The following CDKAL1 variants were observed in gnomAD, a reference collection of about 807,000 sequenced individuals.
CDKAL1 encodes the protein CDKAL1 threonylcarbamoyladenosine tRNA methylthiotransferase.
CDKAL1 carries 32 observed loss-of-function variants against 68.2 expected under a neutral mutation model. That is an observed-to-expected ratio of 0.47 (90% CI 0.35 to 0.63). CDKAL1 has a LOEUF of 0.63. Among genes scored for constraint, CDKAL1 ranks in the 30% least tolerant of loss-of-function variants. The pLI is 0.00. For synonymous variants in CDKAL1, 234 were observed against 244.3 expected (o/e 0.96, Z 0.39); for missense variants, 606 against 696.7 (o/e 0.87, Z 1.47).
At chr6:20,941,901 G>A (rs1232807157) in intron 9 of CDKAL1, among the ~76,000 whole-genome samples, 1 of 152,164 alleles carries the variant, frequency 6.6e-6, no homozygotes, top group Non-Finnish European at 1.5e-5. Flanking sequence ...TTTTTTCCAT[G>A]AGGTAGTTAT....
intron 13 of CDKAL1, among the ~76,000 whole-genome samples, chr6:21,162,943 GAAGA>G (rs957522152): frequency 5.9e-5 from 9 of 151,964 alleles, no homozygotes; most frequent in Admixed American, 4.6e-4. Context: ...CATCTTGATG[GAAGA>G]AAGAAAGGAA....
chr6:20,643,774 A>T (rs1339812568), intron 4 of CDKAL1, among the ~76,000 whole-genome samples: 1 of 152,162 alleles, frequency 6.6e-6, no homozygotes, highest in Non-Finnish European at 1.5e-5. Flanking sequence ...ACATTTATAC[A>T]GATATCTGTC....
chr6:21,205,502 G>C (rs1357892875), intron 15 of CDKAL1, among the ~76,000 whole-genome samples: 1 of 149,128 alleles, frequency 6.7e-6, no homozygotes, highest in Non-Finnish European at 1.5e-5. Context: ...TTTGATAGTA[G>C]CCATCCTAAT....
At chr6:20,665,098 T>C (rs1041388217) in intron 5 of CDKAL1, among the ~76,000 whole-genome samples, 2 of 152,048 alleles carry the variant, frequency 1.3e-5, no homozygotes, top group Non-Finnish European at 2.9e-5. Context: ...TCTGTATTCC[T>C]TGTGGTGATG....
rs191546575 is a variant in CDKAL1 at position 20,570,104 on chromosome 6, A to C, written c.286+21399A>C. Among the ~76,000 whole-genome samples the C allele has an allele frequency of 1.5e-3, 221 of 152,046 alleles. 2 individuals carry two copies. Among genetic ancestry groups the C allele is most frequent in the African/African-American group, 5.2e-3 (215 of 41,498 alleles). On this transcript the variant is annotated intron_variant, in intron 4 of 15. Transcript: ENST00000274695. ...TATTTATTTATTTTTATTTTTAATT[A>C]ATTAATTTTTGTTGTTGTTGTTGAG...
At chr6:21,213,212 G>GA (rs1410727872) in intron 15 of CDKAL1, among the ~76,000 whole-genome samples, 1 of 152,150 alleles carries the variant, frequency 6.6e-6, no homozygotes, top group African/African-American at 2.4e-5. Context: ...AAATTGGGAG[G>GA]AATAGAGTCC....
intron 11 of CDKAL1, among the ~76,000 whole-genome samples, chr6:21,026,543 T>C (rs927316656): frequency 1.1e-4 from 17 of 152,200 alleles, no homozygotes; most frequent in Non-Finnish European, 1.6e-4. Flanking sequence ...CAATTTTAAA[T>C]AATTATACAG....
At chr6:21,137,771 G>C (rs1309073251) in intron 13 of CDKAL1, among the ~76,000 whole-genome samples, 1 of 152,224 alleles carries the variant, frequency 6.6e-6, no homozygotes, top group Non-Finnish European at 1.5e-5. Context: ...CCAAATGTTA[G>C]AGGAGGTAGG....
At chr6:20,804,360 A>C (rs891962568) in intron 8 of CDKAL1, among the ~76,000 whole-genome samples, 5 of 152,246 alleles carry the variant, frequency 3.3e-5, no homozygotes, top group Non-Finnish European at 7.3e-5. Context: ...AATAACTGGG[A>C]CTAAGAATAC....
At chr6:20,580,947 G>T (rs1471118238) in intron 4 of CDKAL1, among the ~76,000 whole-genome samples, 1 of 152,004 alleles carries the variant, frequency 6.6e-6, no homozygotes, top group African/African-American at 2.4e-5. Context: ...GCGCCACCAC[G>T]CCCGGCTAAT....
intron 11 of CDKAL1, among the ~76,000 whole-genome samples, chr6:21,015,276 C>A (rs2150848454): frequency 6.6e-6 from 1 of 152,304 alleles, no homozygotes; most frequent in Non-Finnish European, 1.5e-5. Flanking sequence ...CAATTTTGAT[C>A]AATGAAATCA....
At chr6:21,052,986 G>A (rs1770625440) in intron 11 of CDKAL1, among the ~76,000 whole-genome samples, 2 of 152,112 alleles carry the variant, frequency 1.3e-5, no homozygotes, top group Admixed American at 6.5e-5. Context: ...AAGTCTGTAG[G>A]ATAATTTAGA....
chr6:20,743,152 T>G (rs1773529482), intron 6 of CDKAL1, among the ~76,000 whole-genome samples: 1 of 152,168 alleles, frequency 6.6e-6, no homozygotes, highest in Non-Finnish European at 1.5e-5. Flanking sequence ...GAAACTATTT[T>G]TAGCAGGAAG....
intron 3 of CDKAL1, 33 bp from the exon 4 acceptor site, chr6:20,548,560 C>T: frequency 1.0e-6 from 1 of 960,126 alleles, no homozygotes; most frequent in Non-Finnish European, 1.7e-6. Context: ...CTCAATGAAA[C>T]TTACTTTTTT....
intron 5 of CDKAL1, among the ~76,000 whole-genome samples, chr6:20,657,779 T>C (rs927575442): frequency 3.3e-5 from 5 of 152,164 alleles, no homozygotes; most frequent in African/African-American, 1.2e-4. Context: ...AGTAAGAATT[T>C]TAAGTAGCAA....
chr6:20,781,394 T>C lies in CDKAL1; in HGVS notation c.638+129T>C, dbSNP rs544792357. On this transcript the variant is annotated intron_variant, in intron 8 of 15. Transcript: ENST00000274695. ...GGGAAAGAAAAATTACAAAATGTGC[T>C]CAAATACAGTTTCTTCTGAAATGTT... 374 of 718,738 alleles carry C rather than the reference T, an allele frequency of 5.2e-4. 2 individuals carry two copies. The highest frequency in any genetic ancestry group is 4.6e-3 in the East Asian group (165 of 36,060). The allele number at this position is 718,738 out of a possible 1,614,324, so 44.5% of individuals were successfully genotyped here.
At chr6:20,928,459 T>C (rs1389817685) in intron 9 of CDKAL1, among the ~76,000 whole-genome samples, 1 of 152,000 alleles carries the variant, frequency 6.6e-6, no homozygotes, top group Non-Finnish European at 1.5e-5. Flanking sequence ...CAAACCCATG[T>C]TGTATGTAGC....
intron 5 of CDKAL1, among the ~76,000 whole-genome samples, chr6:20,731,299 A>AGG (rs2150313471): frequency 6.6e-6 from 1 of 152,340 alleles, no homozygotes; most frequent in South Asian, 2.1e-4. Flanking sequence ...CCAAAGTCTA[A>AGG]GGGAATGAAG....
intron 9 of CDKAL1, among the ~76,000 whole-genome samples, chr6:20,855,124 A>G (rs1013429757): frequency 6.6e-6 from 1 of 152,140 alleles, no homozygotes; most frequent in Non-Finnish European, 1.5e-5. Flanking sequence ...TCTGAAAGTT[A>G]TATATTTTGG....
Sources: allele counts gnomAD v4.1 joint callset (sites outside exome capture counted in the v4.1 genomes callset), GRCh38; gene constraint gnomAD v4.1.1; transcripts MANE v1.5; gene names NCBI Gene and HGNC (gene_info 2026-07-23, HGNC 2026-07-21).